SHISA9: variants seen among roughly 807,000 people sequenced by gnomAD.
The protein encoded by SHISA9 is shisa family member 9, also known as protein shisa-9.
In SHISA9, 13 loss-of-function variants were observed where a neutral mutation model predicts 38.0. The observed-to-expected ratio is 0.34, with a 90% CI of 0.22 to 0.54. The LOEUF (loss-of-function observed/expected upper bound fraction) is 0.54, where lower values mean the gene tolerates loss of function less well. SHISA9 is among the 20% of genes least tolerant of loss of function. The probability of loss-of-function intolerance (pLI) is 0.91; values close to 1 mark genes in which losing one functional copy is unlikely to be tolerated. For missense variants in SHISA9, 538 were observed against 575.8 expected (o/e 0.93, Z 0.67); for synonymous variants, 275 against 242.0 (o/e 1.14, Z -1.27).
At chr16:13,223,490 C>T (rs936401062) in intron 4 of SHISA9, among the ~76,000 whole-genome samples, 4 of 152,104 alleles carry the variant, frequency 2.6e-5, no homozygotes, top group African/African-American at 9.7e-5. Context: ...AACTCCCAGC[C>T]ATATTAACTC....
At chr16:13,048,242 C>G (rs2073209566) in intron 2 of SHISA9, among the ~76,000 whole-genome samples, 1 of 152,120 alleles carries the variant, frequency 6.6e-6, no homozygotes, top group South Asian at 2.1e-4. Context: ...GATGAAGTAA[C>G]AAATAATTTG....
the SHISA9 span, among the ~76,000 whole-genome samples, chr16:13,557,617 G>C: frequency 6.6e-6 from 1 of 152,128 alleles, no homozygotes; most frequent in African/African-American, 2.4e-5. Flanking sequence ...TTCTCAGGAG[G>C]AACATGGCAC....
intron 2 of SHISA9, among the ~76,000 whole-genome samples, chr16:13,065,476 C>T (rs1349732473): frequency 6.6e-6 from 1 of 152,180 alleles, no homozygotes; most frequent in Non-Finnish European, 1.5e-5. Flanking sequence ...ACTGAAACTA[C>T]CTCTGTTCAC....
chr16:12,939,282 C>T (rs756965846), intron 2 of SHISA9, among the ~76,000 whole-genome samples: 2 of 152,140 alleles, frequency 1.3e-5, no homozygotes, highest in Non-Finnish European at 2.9e-5. Flanking sequence ...CGGGGTTTCA[C>T]CATGTTGGCC....
At chr16:13,553,097 G>A in the SHISA9 span, among the ~76,000 whole-genome samples, 7 of 152,024 alleles carry the variant, frequency 4.6e-5, no homozygotes, top group Admixed American at 3.9e-4. Context: ...GACCCCTGGG[G>A]GACAAAAACA....
At chr16:12,939,326 C>A (rs1358246680) in intron 2 of SHISA9, among the ~76,000 whole-genome samples, 3 of 152,170 alleles carry the variant, frequency 2.0e-5, no homozygotes, top group Non-Finnish European at 2.9e-5. Context: ...TCAGGCAATC[C>A]ACCCATCTTG....
the SHISA9 span, among the ~76,000 whole-genome samples, chr16:13,445,043 T>C: frequency 7.0e-6 from 1 of 143,580 alleles, no homozygotes; most frequent in Non-Finnish European, 1.5e-5. Flanking sequence ...GTATTTTTGA[T>C]GGAGACAGGG....
intron 2 of SHISA9, among the ~76,000 whole-genome samples, chr16:13,007,523 G>A (rs2072614090): frequency 6.6e-6 from 1 of 152,136 alleles, no homozygotes. Context: ...TGCAGCCAGA[G>A]GAATCTAAGA....
intron 2 of SHISA9, among the ~76,000 whole-genome samples, chr16:13,069,549 T>C (rs2073485860): frequency 6.6e-6 from 1 of 151,844 alleles, no homozygotes. Flanking sequence ...ATGTGTAGGG[T>C]GTATGTATAT....
chr16:13,146,162 G>C (rs1442981806), intron 2 of SHISA9, among the ~76,000 whole-genome samples: 1 of 152,158 alleles, frequency 6.6e-6, no homozygotes, highest in African/African-American at 2.4e-5. Context: ...TGCACTCCAG[G>C]CTGGGTGACA....
intron 2 of SHISA9, among the ~76,000 whole-genome samples, chr16:13,119,986 G>A (rs889071090): frequency 6.6e-6 from 1 of 152,018 alleles, no homozygotes; most frequent in Non-Finnish European, 1.5e-5. Flanking sequence ...AGAAAGAATG[G>A]GAACATGACA....
the SHISA9 span, among the ~76,000 whole-genome samples, chr16:13,274,503 T>G: frequency 6.6e-6 from 1 of 152,196 alleles, no homozygotes; most frequent in East Asian, 1.9e-4. Context: ...ATGCAAATGC[T>G]TATAAATGGT....
chr16:13,367,703 C>T, the SHISA9 span, among the ~76,000 whole-genome samples: 528 of 120,736 alleles, frequency 4.4e-3, 8 homozygotes, highest in African/African-American at 0.017. Context: ...TGCGTGCGCG[C>T]GCGCGCGCGC....
chr16:13,213,623 A>C (rs1212842372), intron 4 of SHISA9, among the ~76,000 whole-genome samples: 1 of 152,340 alleles, frequency 6.6e-6, no homozygotes, highest in South Asian at 2.1e-4. Context: ...GGCAAATGGC[A>C]AAACACAAGG....
chr16:12,952,126 G>C (rs1249086188), intron 2 of SHISA9, among the ~76,000 whole-genome samples: 1 of 152,148 alleles, frequency 6.6e-6, no homozygotes, highest in Non-Finnish European at 1.5e-5. Context: ...TTTCAATTGA[G>C]AGCAATTAAC....
intron 4 of SHISA9, among the ~76,000 whole-genome samples, chr16:13,218,739 A>G (rs904658456): frequency 3.9e-5 from 6 of 152,346 alleles, no homozygotes; most frequent in Admixed American, 2.6e-4. Flanking sequence ...TACTCAGTAC[A>G]TGCTAGTTCT....
chr16:13,295,559 C>G, the SHISA9 span, among the ~76,000 whole-genome samples: 1 of 152,126 alleles, frequency 6.6e-6, no homozygotes, highest in African/African-American at 2.4e-5. Context: ...AGAACTGGAG[C>G]CCAGGAAGGA....
chr16:13,100,962 C>A lies in SHISA9; in HGVS notation c.692-102432C>A, dbSNP rs142252727. 3.1e-3 allele frequency among the ~76,000 whole-genome samples: 472 copies of A among 152,298 alleles called. 1 individual carries two copies. The highest frequency in any genetic ancestry group is 5.7e-3 in the Non-Finnish European group (389 of 68,024). Reference sequence around the variant, plus strand: ...CTGCCCACCTCGGTCTCCCGAAGTGCTGGGATTACAGGCTTGAGCCACTGT... The same window carrying A: ...CTGCCCACCTCGGTCTCCCGAAGTGATGGGATTACAGGCTTGAGCCACTGT... On this transcript the variant is annotated intron_variant, in intron 2 of 4. Coordinates refer to ENST00000558583, the MANE Select transcript of SHISA9 (RefSeq NM_001145204.3).
chr16:13,347,378 C>T, the SHISA9 span, among the ~76,000 whole-genome samples: 2 of 152,160 alleles, frequency 1.3e-5, no homozygotes, highest in African/African-American at 4.8e-5. Context: ...AGAGGTAGTA[C>T]TCAAACACAT....
Sources: gnomAD v4.1 joint callset for allele counts (sites outside exome capture counted in the v4.1 genomes callset) on GRCh38, gnomAD v4.1.1 for gene constraint, MANE v1.5 for transcripts, NCBI Gene and HGNC (gene_info 2026-07-23, HGNC 2026-07-21) for gene names.